CSTPP1: variants seen among roughly 807,000 people sequenced by gnomAD.
The protein encoded by CSTPP1 is centriolar satellite-associated tubulin polyglutamylase complex regulator 1, also known as UPF0705 protein C11orf49.
chr11:47,005,062 A>G, the CSTPP1 span, among the ~76,000 whole-genome samples: 3 of 152,308 alleles, frequency 2.0e-5, no homozygotes, highest in South Asian at 6.2e-4. Context: ...TGCAATCTAT[A>G]TACCCTCTCA....
chr11:47,037,206 T>TATATCAATAGCA, the CSTPP1 span, among the ~76,000 whole-genome samples: 1 of 124,268 alleles, frequency 8.0e-6, no homozygotes, highest in Non-Finnish European at 1.9e-5. Flanking sequence ...TAGTAAAGGA[T>TATATCAATAGCA]TATAACCTAT....
At chr11:46,968,518 A>C in the CSTPP1 span, among the ~76,000 whole-genome samples, 5 of 151,182 alleles carry the variant, frequency 3.3e-5, no homozygotes, top group African/African-American at 1.2e-4. Flanking sequence ...TACCCATAGG[A>C]GCACATTAGT....
chr11:47,019,346 C>A, the CSTPP1 span, among the ~76,000 whole-genome samples: 22 of 152,278 alleles, frequency 1.4e-4, no homozygotes, highest in Admixed American at 7.8e-4. Flanking sequence ...AGAACTTTTT[C>A]TTTGCATTCA....
At chr11:47,013,817 A>G in the CSTPP1 span, among the ~76,000 whole-genome samples, 319 of 152,344 alleles carry the variant, frequency 2.1e-3, 1 homozygote, top group African/African-American at 7.4e-3. Context: ...TCATCACACT[A>G]TCTTCCACAA....
At chr11:47,158,077 G>A in the CSTPP1 span, 1 of 663,362 alleles carries the variant, frequency 1.5e-6, no homozygotes, top group African/African-American at 1.8e-5. Flanking sequence ...CAGGAATATG[G>A]CGACAAAACA....
the CSTPP1 span, among the ~76,000 whole-genome samples, chr11:47,107,855 T>TCC: frequency 8.6e-5 from 13 of 151,898 alleles, no homozygotes; most frequent in South Asian, 2.1e-4. Context: ...TCGGTACAAT[T>TCC]CCCCCCCAGT....
chr11:47,001,836 G>C, the CSTPP1 span, among the ~76,000 whole-genome samples: 8 of 152,078 alleles, frequency 5.3e-5, no homozygotes, highest in Non-Finnish European at 7.3e-5. Flanking sequence ...TTCTTCTTGT[G>C]TCCATGGTAA....
the CSTPP1 span, among the ~76,000 whole-genome samples, chr11:46,997,418 G>T: frequency 6.6e-6 from 1 of 152,126 alleles, no homozygotes; most frequent in African/African-American, 2.4e-5. Flanking sequence ...GGTCATTTAA[G>T]GTCTTTTCTA....
the CSTPP1 span, among the ~76,000 whole-genome samples, chr11:47,060,473 A>G: frequency 6.6e-6 from 1 of 151,806 alleles, no homozygotes; most frequent in Non-Finnish European, 1.5e-5. Context: ...CCTGGGCTCA[A>G]GCAGTCCACC....
the CSTPP1 span, among the ~76,000 whole-genome samples, chr11:47,032,988 GAGAAA>G: frequency 4.9e-4 from 74 of 152,166 alleles, no homozygotes; most frequent in African/African-American, 1.7e-3. Context: ...AAGTAAGCTA[GAGAAA>G]AGAAAATGTT....
At chr11:46,938,137 G>A in the CSTPP1 span, among the ~76,000 whole-genome samples, 4 of 152,126 alleles carry the variant, frequency 2.6e-5, no homozygotes, top group African/African-American at 9.6e-5. Flanking sequence ...GCCTCCCAAA[G>A]TGTTGGGATT....
the CSTPP1 span, among the ~76,000 whole-genome samples, chr11:47,074,903 T>A: frequency 6.6e-6 from 1 of 152,244 alleles, no homozygotes; most frequent in Non-Finnish European, 1.5e-5. Flanking sequence ...GTGTGTCCTC[T>A]GTGCCAGGTA....
chr11:47,039,480 G>GGGGAGAGGGAGA, the CSTPP1 span, among the ~76,000 whole-genome samples: 1 of 126,978 alleles, frequency 7.9e-6, no homozygotes, highest in Non-Finnish European at 1.9e-5. Flanking sequence ...GGGAGACCGT[G>GGGGAGAGGGAGA]GGGAGAGGGA....
chr11:46,972,050 A>G, the CSTPP1 span, among the ~76,000 whole-genome samples: 2 of 152,214 alleles, frequency 1.3e-5, no homozygotes, highest in African/African-American at 2.4e-5. Flanking sequence ...TCTTTTCCCT[A>G]TAGTACCATT....
the CSTPP1 span, among the ~76,000 whole-genome samples, chr11:46,938,870 G>A: frequency 4.9e-5 from 7 of 144,094 alleles, no homozygotes; most frequent in South Asian, 4.4e-4. Context: ...CTCAACCTCC[G>A]GGCTCAAGTG....
chr11:47,140,829 G>A, the CSTPP1 span, among the ~76,000 whole-genome samples: 6 of 152,018 alleles, frequency 3.9e-5, no homozygotes, highest in Non-Finnish European at 8.8e-5. Context: ...GGCCGGGCAC[G>A]GTGGCTCACG....
chr11:47,157,098 C>A, the CSTPP1 span: 1 of 1,614,148 alleles, frequency 6.2e-7, no homozygotes, highest in Non-Finnish European at 8.5e-7. Flanking sequence ...ATTGTGCCGA[C>A]GTCGTCCAGT....
the CSTPP1 span, among the ~76,000 whole-genome samples, chr11:47,133,939 A>G: frequency 2.0e-5 from 3 of 152,144 alleles, no homozygotes; most frequent in Non-Finnish European, 2.9e-5. Flanking sequence ...CCAAGTGCTC[A>G]ATAAATGTTA....
At chr11:47,086,352 G>A in the CSTPP1 span, among the ~76,000 whole-genome samples, 1 of 151,846 alleles carries the variant, frequency 6.6e-6, no homozygotes, top group Non-Finnish European at 1.5e-5. Flanking sequence ...GTTACAGAGA[G>A]CCAAGATTGC....
Sources: allele counts gnomAD v4.1 joint callset (sites outside exome capture counted in the v4.1 genomes callset), GRCh38; gene constraint gnomAD v4.1.1; transcripts MANE v1.5; gene names NCBI Gene and HGNC (gene_info 2026-07-23, HGNC 2026-07-21).